The following ALPL variants were observed in gnomAD, a reference collection of about 807,000 sequenced individuals.
ALPL encodes the protein alkaline phosphatase, biomineralization associated, also known as alkaline phosphatase, tissue-nonspecific isozyme.
In ALPL, 42 loss-of-function variants were observed where a neutral mutation model predicts 51.3. That is an observed-to-expected ratio of 0.82 (90% confidence interval 0.64 to 1.06). The LOEUF is 1.06. Among genes scored for constraint, ALPL ranks in the 50% least tolerant of loss-of-function variants. ALPL has a pLI of 0.00. For missense variants in ALPL, 589 were observed against 709.4 expected (o/e 0.83, Z 1.93); for synonymous variants, 279 against 296.4 (o/e 0.94, Z 0.60).
At chr1:21,539,668 T>A (rs2148109415) in intron 1 of ALPL, among the ~76,000 whole-genome samples, 1 of 151,008 alleles carries the variant, frequency 6.6e-6, no homozygotes, top group African/African-American at 2.4e-5. Flanking sequence ...TTTTTTTTTT[T>A]TTTTGAGATG....
intron 9 of ALPL, among the ~76,000 whole-genome samples, chr1:21,575,079 C>T (rs1366751332): frequency 6.6e-6 from 1 of 152,232 alleles, no homozygotes; most frequent in Non-Finnish European, 1.5e-5. Flanking sequence ...CAGGCTTCGG[C>T]AGGGCTTTGT....
At chr1:21,575,444 G>T (rs1385021228) in intron 9 of ALPL, among the ~76,000 whole-genome samples, 1 of 152,162 alleles carries the variant, frequency 6.6e-6, no homozygotes, top group Non-Finnish European at 1.5e-5. Flanking sequence ...TGCTGGGAGG[G>T]GCGGTGGGAG....
At chr1:21,554,287 C>A in intron 2 of ALPL, 145 bp downstream of exon 2, 1 of 761,950 alleles carries the variant, frequency 1.3e-6, no homozygotes, top group Non-Finnish European at 2.3e-6. Flanking sequence ...CTCAGCCCTG[C>A]TACTTGCATG....
chr1:21,527,128 G>A (rs550888693), intron 1 of ALPL, among the ~76,000 whole-genome samples: 3 of 150,380 alleles, frequency 2.0e-5, no homozygotes, highest in African/African-American at 4.9e-5. Flanking sequence ...TGCCTCCCGG[G>A]TTCAAGCGAT....
intron 1 of ALPL, among the ~76,000 whole-genome samples, chr1:21,514,683 A>G (rs149568114): frequency 6.6e-6 from 1 of 152,270 alleles, no homozygotes; most frequent in East Asian, 1.9e-4. Context: ...TGAGATGGAC[A>G]AGGGAGACTG....
rs1644727842 is a variant in ALPL, at chr1:21,576,096, A to T, written c.1189+172A>T. On this transcript the variant is annotated intron_variant, in intron 10 of 11. Coordinates refer to ENST00000374840, the MANE Select transcript of ALPL (RefSeq NM_000478.6). ...GAGAAAATGCAGGGTGAGGCAGGGG[A>T]GTGAGTTGAGTGGTGGTCGGGTAGA... Among the ~76,000 whole-genome samples the T allele has an allele frequency of 1.3e-5, 2 of 151,754 alleles. 1 individual carries two copies. The highest frequency in any genetic ancestry group is 4.2e-4 in the South Asian group (2 of 4,804).
At chr1:21,566,306 C>T (rs983152188) in intron 6 of ALPL, among the ~76,000 whole-genome samples, 12 of 152,166 alleles carry the variant, frequency 7.9e-5, no homozygotes, top group Admixed American at 2.0e-4. Flanking sequence ...TATTTTGAGA[C>T]GGAGTCTCAT....
rs1558552231 is a variant in ALPL at position 21,568,115 on chromosome 1, G to T, written c.660G>T (p.Gly220=). 4 of 1,613,958 alleles carry T rather than the reference G, an allele frequency of 2.5e-6. No homozygotes were observed. Among genetic ancestry groups the T allele is most frequent in the Middle Eastern group, 1.6e-4 (1 of 6,084 alleles). Residue 220 remains glycine (G), a synonymous_variant, in exon 7 of 12, where the codon GGG becomes GGT. Coordinates refer to ENST00000374840, the MANE Select transcript of ALPL (RefSeq NM_000478.6). ...HNIRDIDVIM[G]GGRKYMYPKN... is the part of the protein sequence containing the mutation. ...CCTGTCTCTTTTAGGTGATCATGGG[G>T]GGTGGCCGGAAATACATGTACCCCA...
intron 1 of ALPL, among the ~76,000 whole-genome samples, chr1:21,527,917 T>C (rs2148079619): frequency 6.6e-6 from 1 of 152,276 alleles, no homozygotes; most frequent in Non-Finnish European, 1.5e-5. Flanking sequence ...TTTCCTTCTG[T>C]AGTTTGGTCA....
rs1309192825 is a variant in ALPL, at chr1:21,575,839, G to A, written c.1104G>A (p.Ser368=). ...GGCAGGCAGGCAGCTTGACCTCCTC[G>A]GAAGACACTCTGACCGTGGTCACTG... ...AIGQAGSLTS[S]EDTLTVVTAD... The change falls in exon 10 of 12, where the codon TCG becomes TCA. Residue 368 remains serine, a synonymous_variant. Transcript: ENST00000374840. 14 of 1,614,084 alleles carry A rather than the reference G, an allele frequency of 8.7e-6. No individual in the cohort carries two copies. Among genetic ancestry groups the A allele is most frequent in the African/African-American group, 8.0e-5 (6 of 74,914 alleles).
At chr1:21,517,173 G>A (rs1190265405) in intron 1 of ALPL, among the ~76,000 whole-genome samples, 6 of 152,218 alleles carry the variant, frequency 3.9e-5, no homozygotes, top group South Asian at 2.1e-4. Flanking sequence ...TTGCATCATC[G>A]TAAAGAAAAA....
At chr1:21,557,150 G>C (rs952326942) in intron 2 of ALPL, among the ~76,000 whole-genome samples, 1 of 152,068 alleles carries the variant, frequency 6.6e-6, no homozygotes, top group Non-Finnish European at 1.5e-5. Context: ...CTGGAGAAGA[G>C]AGCCTTCCTC....
chr1:21,561,324 C>T, intron 4 of ALPL, 112 bp downstream of exon 4: 1 of 879,644 alleles, frequency 1.1e-6, no homozygotes. Flanking sequence ...CCTCCATGCC[C>T]AAGCCCACTC....
chr1:21,512,785 T>A (rs1289676733), intron 1 of ALPL, among the ~76,000 whole-genome samples: 1 of 152,190 alleles, frequency 6.6e-6, no homozygotes, highest in East Asian at 1.9e-4. Flanking sequence ...TGCTTAAAGT[T>A]TTCCATGCTT....
chr1:21,572,055 C>T (rs577459877), intron 8 of ALPL, among the ~76,000 whole-genome samples: 2 of 152,138 alleles, frequency 1.3e-5, no homozygotes, highest in South Asian at 2.1e-4. Context: ...AGGAAGCTGA[C>T]GTGGGAGGCT....
intron 7 of ALPL, 83 bp downstream of exon 7, chr1:21,568,330 G>T (rs921527113): frequency 1.9e-6 from 3 of 1,589,298 alleles, no homozygotes; most frequent in South Asian, 2.2e-5. Flanking sequence ...AAGTTCTGTT[G>T]TCCTCTGTAG....
intron 1 of ALPL, among the ~76,000 whole-genome samples, chr1:21,531,590 G>A (rs893044276): frequency 6.6e-6 from 1 of 152,238 alleles, no homozygotes; most frequent in Non-Finnish European, 1.5e-5. Context: ...GATTCTGGGA[G>A]GACACGGAGT....
chr1:21,550,670 G>T (rs1056932973), intron 1 of ALPL, among the ~76,000 whole-genome samples: 1 of 151,938 alleles, frequency 6.6e-6, no homozygotes, highest in African/African-American at 2.4e-5. Context: ...AAACCGAACC[G>T]CACCAGCACC....
At position 21,538,105 on chromosome 1, in the gene ALPL, G is replaced by C. The variant is rs144388487; in HGVS notation, c.-104-15873G>C. On this transcript the variant is annotated intron_variant, in intron 1 of 11. Transcript: ENST00000374840. ...ACACCTATTGTTTAATGCGTACCAG[G>C]CCCTGGGTCTTTCTCTCCTTGTTTA... 2.0e-5 allele frequency among the ~76,000 whole-genome samples: 3 copies of C among 152,314 alleles called. No individual in the cohort carries two copies. The East Asian group carries it at 5.8e-4, about 29-fold the overall frequency.
Sources: allele counts gnomAD v4.1 joint callset (sites outside exome capture counted in the v4.1 genomes callset), GRCh38; gene constraint gnomAD v4.1.1; transcripts MANE v1.5; gene names NCBI Gene and HGNC (gene_info 2026-07-23, HGNC 2026-07-21).